Variants in ANGPTL1 observed in about 807,000 individuals in gnomAD.
The protein encoded by ANGPTL1 is angiopoietin like 1, also known as angiopoietin-related protein 1.
A neutral mutation model predicts 46.7 loss-of-function variants in ANGPTL1; 36 were observed. The ratio of observed to expected loss-of-function variants is 0.77; its 90% CI spans 0.59 to 1.02. ANGPTL1 has a LOEUF of 1.02. Ranked by LOEUF, ANGPTL1 falls within the 50% of genes least tolerant of loss-of-function variation. The pLI is 0.00. For missense variants in ANGPTL1, 571 were observed against 594.7 expected, an observed-to-expected ratio of 0.96 and a Z score of 0.41; for synonymous variants, 221 against 204.3, an observed-to-expected ratio of 1.08 and a Z score of -0.69.
At position 178,865,606 on chromosome 1, in the gene ANGPTL1, T is replaced by C; in HGVS notation, c.171A>G (p.Glu57=). 1.2e-6 allele frequency: 2 copies of C among 1,614,032 alleles called. No individual in the cohort carries two copies. The change falls in exon 3 of 6, where the codon GAA becomes GAG. Residue 57 remains glutamate, a synonymous_variant. Transcript: ENST00000234816. ...KKCAYTFLVP[E]QRITGPICVN... ...CACAGATTGGCCCTGTTATTCTTTG[T>C]TCAGGTACCAGGAATGTGTATGCAC... is the stretch of plus-strand genomic sequence containing the variant.
At position 178,865,447 on chromosome 1, in the gene ANGPTL1, T is replaced by G. The variant is rs1362501169; in HGVS notation, c.330A>C (p.Gly110=). The change falls in exon 3 of 6, where the codon GGA becomes GGC. Residue 110 remains glycine, a synonymous_variant. Coordinates refer to ENST00000234816, the MANE Select transcript of ANGPTL1 (RefSeq NM_004673.4). The part of the protein sequence containing the change: ...DVLQLVVDVD[G]NIVNEVKLLR... ...GCAGCTTTACCTCATTCACAATGTTTCCATCTACATCCACCACCAGTTGCA... is the reference window on the plus strand; with the variant it reads ...GCAGCTTTACCTCATTCACAATGTTGCCATCTACATCCACCACCAGTTGCA... 4 of 1,613,934 alleles carry G rather than the reference T, an allele frequency of 2.5e-6. No homozygotes were observed. Among genetic ancestry groups the G allele is most frequent in the East Asian group, 2.2e-5 (1 of 44,888 alleles).
In ANGPTL1 at chr1:178,851,115, G is replaced by A. The variant is rs771436728; in HGVS notation, c.*14C>T. 1.0e-5 allele frequency: 16 copies of A among 1,606,088 alleles called. No homozygotes were observed. The highest frequency in any genetic ancestry group is 1.2e-5 in the Non-Finnish European group (14 of 1,176,572). The stretch of plus-strand genomic sequence containing the variant: ...ACAAAGTTCTGTGTCATTTAAATTG[G>A]CGAGTGTCTCTCTTCAGTCAATAGG... On this transcript the variant is annotated 3_prime_UTR_variant, in exon 6 of 6. Coordinates refer to ENST00000234816, the MANE Select transcript of ANGPTL1 (RefSeq NM_004673.4).
intron 2 of ANGPTL1, among the ~76,000 whole-genome samples, chr1:178,866,412 T>C (rs902665738): frequency 6.6e-6 from 1 of 152,174 alleles, no homozygotes; most frequent in Non-Finnish European, 1.5e-5. Context: ...CTTTTTATTT[T>C]TATAGCATCT....
intron 5 of ANGPTL1, 55 bp from the exon 6 acceptor site, chr1:178,851,371 C>A: frequency 6.9e-7 from 1 of 1,444,698 alleles, no homozygotes; most frequent in Non-Finnish European, 9.2e-7. Context: ...GTGTGGTACT[C>A]TGCAATCATA....
In ANGPTL1 at chr1:178,850,883, C is replaced by T. The variant is rs981105931; in HGVS notation, c.*246G>A. The T allele has an allele frequency of 1.5e-5, 5 of 329,168 alleles. No individual in the cohort carries two copies. The highest frequency in any genetic ancestry group is 1.1e-4 in the African/African-American group (5 of 46,832). 20.4% of individuals were successfully genotyped at this position (329,168 alleles called of 1,614,324 possible). A position where few individuals can be genotyped will look rare whatever the true frequency, so the allele number is the denominator to read the frequency against. On this transcript the variant is annotated 3_prime_UTR_variant, in exon 6 of 6. Transcript: ENST00000234816. ...TGGCAAATATTTACATTTTAGAAAA[C>T]AAACTTTGTATTTAGTCAACATAAT...
chr1:178,860,134 CCTACAAGGAATAAA>C (rs1168972396), intron 3 of ANGPTL1, among the ~76,000 whole-genome samples: 1 of 152,066 alleles, frequency 6.6e-6, no homozygotes, highest in Non-Finnish European at 1.5e-5. Context: ...ACTCAGCTCT[CCTACAAGGAATAAA>C]CTTGTTTTTA....
chr1:178,869,485 T>C (rs1352248611), intron 1 of ANGPTL1, among the ~76,000 whole-genome samples: 1 of 152,138 alleles, frequency 6.6e-6, no homozygotes, highest in Non-Finnish European at 1.5e-5. Flanking sequence ...TCAGATTAAA[T>C]GCCTGCCTTA....
chr1:178,866,939 A>T (rs1248124183), intron 2 of ANGPTL1, among the ~76,000 whole-genome samples: 1 of 152,176 alleles, frequency 6.6e-6, no homozygotes, highest in East Asian at 1.9e-4. Flanking sequence ...TAGCAGAAGT[A>T]GAATGGGTAA....
Position 178,865,481 on chromosome 1 carries a change from A to G in ANGPTL1, c.296T>C (p.Ile99Thr), listed in dbSNP as rs751787418. 20 of 1,613,924 alleles carry G rather than the reference A, an allele frequency of 1.2e-5. No individual in the cohort carries two copies. In the East Asian group the frequency reaches 1.3e-4, roughly 11 times the overall value. Residue 99 changes from isoleucine to threonine, a missense_variant, in exon 3 of 6, where the codon ATA becomes ACA. Transcript: ENST00000234816. ...KDVLSRQKREIDVLQLVVDVD... is the reference protein window; with the variant it reads ...KDVLSRQKRETDVLQLVVDVD... ...ATCCACCACCAGTTGCAGAACATCTATCTCCCGCTTCTGCCTGGAGAGCAC... is the reference window on the plus strand; with the variant it reads ...ATCCACCACCAGTTGCAGAACATCTGTCTCCCGCTTCTGCCTGGAGAGCAC...
rs1658727239 is a variant in ANGPTL1 at position 178,871,018 on chromosome 1, T to C, written c.-414A>G. ...CAGAGAAAGCGTTGTGGCTTTGCTC[T>C]GTCTGCCACATGGAGAAATGCAGTA... On this transcript the variant is annotated 5_prime_UTR_variant, in exon 1 of 6. Coordinates refer to ENST00000234816, the MANE Select transcript of ANGPTL1 (RefSeq NM_004673.4). The C allele has an allele frequency of 6.6e-6, 1 of 152,232 alleles. No individual in the cohort carries two copies. 9.4% of individuals were successfully genotyped at this position (152,232 alleles called of 1,614,324 possible). A position where few individuals can be genotyped will look rare whatever the true frequency, so the allele number is the denominator to read the frequency against.
intron 1 of ANGPTL1, among the ~76,000 whole-genome samples, chr1:178,869,980 TA>T (rs1194124562): frequency 6.6e-6 from 1 of 152,120 alleles, no homozygotes; most frequent in Admixed American, 6.6e-5. Context: ...TGAATTTAAT[TA>T]CATCTTCTGG....
rs751762108 is a variant in ANGPTL1 at position 178,852,665 on chromosome 1, A to G, written c.1288+18T>C. On this transcript the variant is annotated intron_variant, in intron 5 of 5. Transcript: ENST00000234816. Reference sequence around the variant, plus strand: ...GAAGGTGATGATTCTACAAAGAATGAAAGTTTTTCATACTTACCTGCATAC... The same window carrying G: ...GAAGGTGATGATTCTACAAAGAATGGAAGTTTTTCATACTTACCTGCATAC... 4 of 1,599,288 alleles carry G rather than the reference A, an allele frequency of 2.5e-6. No individual in the cohort carries two copies. Among genetic ancestry groups the G allele is most frequent in the Non-Finnish European group, 3.4e-6 (4 of 1,172,528 alleles).
rs1294754144 is a variant in ANGPTL1, at chr1:178,865,540, C to T, written c.237G>A (p.Met79Ile). ...KGQDASTIKD[M>I]ITRMDLENLK... ...GGTTTTCAAGGTCCATCCTGGTGAT[C>T]ATGTCTTTAATGGTACTTGCATCTT... is the stretch of plus-strand genomic sequence containing the variant. Residue 79 changes from methionine (M) to isoleucine (I), a missense_variant, in exon 3 of 6, where the codon ATG becomes ATA. Met to Ile is a conservative substitution (Grantham distance 10). Transcript: ENST00000234816. 6.2e-6 allele frequency: 10 copies of T among 1,614,138 alleles called. No homozygotes were observed. In the Middle Eastern group the frequency reaches 4.9e-4, roughly 80 times the overall value.
chr1:178,860,434 T>C (rs1420057227), intron 3 of ANGPTL1, among the ~76,000 whole-genome samples: 2 of 152,234 alleles, frequency 1.3e-5, no homozygotes, highest in African/African-American at 4.8e-5. Flanking sequence ...TCATAACATC[T>C]TTTATAAAAT....
chr1:178,866,417 G>A (rs1427542019), intron 2 of ANGPTL1, among the ~76,000 whole-genome samples: 6 of 152,062 alleles, frequency 3.9e-5, no homozygotes, highest in Non-Finnish European at 8.8e-5. Flanking sequence ...TATTTTTATA[G>A]CATCTCCTTT....
intron 5 of ANGPTL1, among the ~76,000 whole-genome samples, chr1:178,852,022 C>G (rs1244531163): frequency 1.3e-5 from 2 of 152,126 alleles, no homozygotes; most frequent in African/African-American, 2.4e-5. Flanking sequence ...TTAATTTCCC[C>G]TTTGAATCAA....
intron 5 of ANGPTL1, among the ~76,000 whole-genome samples, chr1:178,851,574 TAGC>T (rs1451861762): frequency 6.6e-6 from 1 of 152,108 alleles, no homozygotes; most frequent in Non-Finnish European, 1.5e-5. Context: ...ATTTTCTAGT[TAGC>T]AGAGTAGATG....
chr1:178,855,574 G>A (rs562661908), intron 3 of ANGPTL1, among the ~76,000 whole-genome samples: 9 of 151,812 alleles, frequency 5.9e-5, no homozygotes, highest in South Asian at 2.1e-4. Context: ...TCTTTCCTGC[G>A]TTATATTTAT....
At chr1:178,869,460 T>A (rs1403946205) in intron 1 of ANGPTL1, among the ~76,000 whole-genome samples, 1 of 152,138 alleles carries the variant, frequency 6.6e-6, no homozygotes, top group African/African-American at 2.4e-5. Flanking sequence ...AATAGTTATC[T>A]GTGTAATTTG....
Sources: allele counts gnomAD v4.1 joint callset (sites outside exome capture counted in the v4.1 genomes callset), GRCh38; gene constraint gnomAD v4.1.1; transcripts MANE v1.5; gene names NCBI Gene and HGNC (gene_info 2026-07-23, HGNC 2026-07-21).